LHFPL6: variants seen among roughly 807,000 people sequenced by gnomAD.
LHFPL6 encodes the protein LHFPL tetraspan subfamily member 6.
Under a neutral mutation model 20.6 loss-of-function variants are expected in LHFPL6, and 9 were observed. That is an observed-to-expected ratio of 0.44 (90% CI 0.26 to 0.76). LHFPL6 has a LOEUF of 0.76. LHFPL6 is among the 30% of genes least tolerant of loss of function. LHFPL6 has a pLI of 0.20. For missense variants in LHFPL6, 218 were observed against 253.5 expected (o/e 0.86, Z 0.95); for synonymous variants, 105 against 98.7 (o/e 1.06, Z -0.38).
chr13:39,454,584 C>G (rs1281688678), intron 2 of LHFPL6, among the ~76,000 whole-genome samples: 1 of 29,162 alleles, frequency 3.4e-5, no homozygotes, highest in South Asian at 1.6e-3. Context: ...AGCCGAGATC[C>G]CGCCACTGCA....
chr13:39,583,578 C>T (rs971110615), intron 2 of LHFPL6, among the ~76,000 whole-genome samples: 3 of 152,164 alleles, frequency 2.0e-5, no homozygotes, highest in Non-Finnish European at 2.9e-5. Context: ...ATGACATTTT[C>T]TCTTTCCAAA....
intron 2 of LHFPL6, among the ~76,000 whole-genome samples, chr13:39,453,993 T>G (rs1872512115): frequency 6.9e-6 from 1 of 145,672 alleles, no homozygotes; most frequent in Non-Finnish European, 1.5e-5. Flanking sequence ...TCGATTGAGT[T>G]CTTTTATTGC....
chr13:39,570,466 C>A (rs960813327), intron 2 of LHFPL6, among the ~76,000 whole-genome samples: 8 of 151,360 alleles, frequency 5.3e-5, no homozygotes, highest in Admixed American at 3.3e-4. Context: ...TTTTAAATAT[C>A]CAGAAGGATT....
At chr13:39,566,101 T>G (rs943660825) in intron 2 of LHFPL6, among the ~76,000 whole-genome samples, 2 of 152,202 alleles carry the variant, frequency 1.3e-5, no homozygotes. Flanking sequence ...ATGGCAAGTA[T>G]GTGCCTCTCA....
intron 2 of LHFPL6, among the ~76,000 whole-genome samples, chr13:39,545,034 A>G (rs1223772081): frequency 6.6e-6 from 1 of 151,710 alleles, no homozygotes; most frequent in Non-Finnish European, 1.5e-5. Flanking sequence ...CGAGGTCAGG[A>G]GATCGAGACC....
chr13:39,372,845 A>G (rs1398348347), intron 3 of LHFPL6, among the ~76,000 whole-genome samples: 1 of 152,150 alleles, frequency 6.6e-6, no homozygotes, highest in African/African-American at 2.4e-5. Context: ...AAATGTTCTG[A>G]CCTTGGGAGG....
At chr13:39,404,140 TG>T (rs1045918896) in intron 2 of LHFPL6, among the ~76,000 whole-genome samples, 5 of 152,240 alleles carry the variant, frequency 3.3e-5, no homozygotes, top group African/African-American at 1.2e-4. Context: ...AAGCACGTGA[TG>T]GAATTTTGTT....
intron 3 of LHFPL6, among the ~76,000 whole-genome samples, chr13:39,372,448 A>G (rs554409692): frequency 6.8e-6 from 1 of 147,742 alleles, no homozygotes; most frequent in South Asian, 2.1e-4. Context: ...AAACCGCAAA[A>G]GAAAGAATTA....
In LHFPL6 at chr13:39,392,737, G is replaced by A. The variant is rs4943659; in HGVS notation, c.386-14211C>T. On this transcript the variant is annotated intron_variant, in intron 2 of 3. Transcript: ENST00000379589. ...ATGAATTTTCCACAAACAAAAACCT[G>A]AATACCAGTTGTATACCCAGGAATC... 3.9e-3 allele frequency among the ~76,000 whole-genome samples: 599 copies of A among 151,950 alleles called. 14 individuals carry two copies. The highest frequency in any genetic ancestry group is 0.035 in the Admixed American group (536 of 15,242).
At chr13:39,415,840 G>T (rs76718950) in intron 2 of LHFPL6, among the ~76,000 whole-genome samples, 1 of 152,328 alleles carries the variant, frequency 6.6e-6, no homozygotes, top group East Asian at 1.9e-4. Context: ...CTCATTTGCA[G>T]CCAGTTTGCC....
At chr13:39,428,047 G>A (rs990132012) in intron 2 of LHFPL6, among the ~76,000 whole-genome samples, 2 of 152,178 alleles carry the variant, frequency 1.3e-5, no homozygotes, top group Admixed American at 6.5e-5. Flanking sequence ...CTAGGATTGC[G>A]CTTCCTGTCC....
chr13:39,346,867 A>T (rs1361994592), intron 3 of LHFPL6, among the ~76,000 whole-genome samples: 1 of 151,956 alleles, frequency 6.6e-6, no homozygotes, highest in African/African-American at 2.4e-5. Context: ...TCTACTAAAA[A>T]TACAAAAATT....
chr13:39,356,790 A>C lies in LHFPL6; in HGVS notation c.485-12736T>G, dbSNP rs190606640. ...AGGAAATAGGTAAATTCCTGGAAACATACAACTTCTCAAGATTAAACAAGG... is the reference window on the plus strand; with the variant it reads ...AGGAAATAGGTAAATTCCTGGAAACCTACAACTTCTCAAGATTAAACAAGG... On this transcript the variant is annotated intron_variant, in intron 3 of 3. Transcript: ENST00000379589. 3.4e-3 allele frequency among the ~76,000 whole-genome samples: 520 copies of C among 152,360 alleles called. 14 individuals carry two copies. The highest frequency in any genetic ancestry group is 1.3e-3 in the Non-Finnish European group (88 of 68,038).
intron 2 of LHFPL6, among the ~76,000 whole-genome samples, chr13:39,561,513 C>T (rs1171523192): frequency 6.6e-6 from 1 of 152,172 alleles, no homozygotes; most frequent in East Asian, 1.9e-4. Flanking sequence ...TTCTGTCACC[C>T]AGGCTGGAGT....
chr13:39,499,282 A>C (rs1869210768), intron 2 of LHFPL6, among the ~76,000 whole-genome samples: 1 of 152,128 alleles, frequency 6.6e-6, no homozygotes, highest in Non-Finnish European at 1.5e-5. Context: ...TAGAAGTCAT[A>C]GTGATTATTT....
intron 2 of LHFPL6, among the ~76,000 whole-genome samples, chr13:39,393,885 G>A (rs918748689): frequency 1.3e-5 from 2 of 152,058 alleles, no homozygotes; most frequent in African/African-American, 2.4e-5. Flanking sequence ...ATCCTCACAC[G>A]GTCTTTCCTC....
intron 2 of LHFPL6, among the ~76,000 whole-genome samples, chr13:39,379,912 A>C (rs184379185): frequency 6.6e-6 from 1 of 152,220 alleles, no homozygotes; most frequent in Non-Finnish European, 1.5e-5. Context: ...ATGAATCACT[A>C]GTCTCAGGAT....
intron 2 of LHFPL6, among the ~76,000 whole-genome samples, chr13:39,562,585 TATATACATATATACAC>T (rs201831572): frequency 0.067 from 6,013 of 89,742 alleles, 341 homozygotes; most frequent in South Asian, 0.17. Flanking sequence ...TATATACACA[TATATACATATATACAC>T]ATATACATAT....
chr13:39,365,621 C>T (rs1004198497), intron 3 of LHFPL6, among the ~76,000 whole-genome samples: 1 of 152,270 alleles, frequency 6.6e-6, no homozygotes, highest in Admixed American at 6.5e-5. Context: ...GGAACAAATC[C>T]TCCTACACAT....
Sources: allele counts gnomAD v4.1 joint callset (sites outside exome capture counted in the v4.1 genomes callset), GRCh38; gene constraint gnomAD v4.1.1; transcripts MANE v1.5; gene names NCBI Gene and HGNC (gene_info 2026-07-23, HGNC 2026-07-21).